Variants in ERC2 observed in about 807,000 individuals in gnomAD.
The protein encoded by ERC2 is ERC protein 2.
In ERC2, 42 loss-of-function variants were observed where a neutral mutation model predicts 114.8. The ratio of observed to expected loss-of-function variants is 0.37; its 90% CI spans 0.29 to 0.47. The LOEUF (loss-of-function observed/expected upper bound fraction) is 0.47. Ranked by LOEUF, ERC2 falls within the 20% of genes least tolerant of loss-of-function variation. ERC2 has a pLI of 0.99. For synonymous variants in ERC2, 454 were observed against 425.5 expected (o/e 1.07, Z -0.82); for missense variants, 939 against 1,150.7 (o/e 0.82, Z 2.66).
intron 15 of ERC2, among the ~76,000 whole-genome samples, chr3:55,733,772 C>G (rs917823601): frequency 6.6e-6 from 1 of 152,146 alleles, no homozygotes; most frequent in Non-Finnish European, 1.5e-5. Flanking sequence ...ACAGATCACT[C>G]TAGCAGGCAG....
chr3:55,855,483 G>A (rs1310046483), intron 14 of ERC2, among the ~76,000 whole-genome samples: 3 of 152,206 alleles, frequency 2.0e-5, no homozygotes, highest in African/African-American at 7.2e-5. Context: ...CTTTGGCCAA[G>A]TCAAATAATA....
At chr3:55,599,190 T>C (rs1406547191) in intron 17 of ERC2, among the ~76,000 whole-genome samples, 1 of 152,200 alleles carries the variant, frequency 6.6e-6, no homozygotes, top group Non-Finnish European at 1.5e-5. Context: ...AGAAGAAGCC[T>C]GACACCTTGG....
chr3:55,857,811 G>A (rs1203571880), intron 14 of ERC2, among the ~76,000 whole-genome samples: 2 of 152,080 alleles, frequency 1.3e-5, no homozygotes, highest in South Asian at 2.1e-4. Flanking sequence ...TGAAACACTC[G>A]ATTTTCAATG....
intron 14 of ERC2, among the ~76,000 whole-genome samples, chr3:55,871,820 A>T (rs980891626): frequency 6.6e-6 from 1 of 152,146 alleles, no homozygotes; most frequent in African/African-American, 2.4e-5. Context: ...AATATTTTTT[A>T]AAAAATTAAA....
chr3:55,543,682 C>A (rs1184846), intron 17 of ERC2, among the ~76,000 whole-genome samples: 98,721 of 152,124 alleles, frequency 0.65, 33,493 homozygotes, highest in East Asian at 0.93. Flanking sequence ...TGGCTGGGGA[C>A]GGATTCACCC....
chr3:55,800,242 G>T (rs2070932478), intron 14 of ERC2, among the ~76,000 whole-genome samples: 2 of 152,228 alleles, frequency 1.3e-5, no homozygotes, highest in Non-Finnish European at 2.9e-5. Context: ...CTGGGTTCAA[G>T]CAATTCTCCT....
chr3:55,759,952 C>T (rs1240146971), intron 14 of ERC2, among the ~76,000 whole-genome samples: 1 of 152,178 alleles, frequency 6.6e-6, no homozygotes, highest in Non-Finnish European at 1.5e-5. Flanking sequence ...CAACACTGGA[C>T]TTTTCATAAT....
chr3:56,291,517 T>C (rs2055083495), intron 3 of ERC2, among the ~76,000 whole-genome samples: 1 of 151,970 alleles, frequency 6.6e-6, no homozygotes, highest in Admixed American at 6.6e-5. Flanking sequence ...ACTCCAAATC[T>C]CCTAAAACAA....
At chr3:56,296,645 C>T (rs958197193) in intron 2 of ERC2, among the ~76,000 whole-genome samples, 11 of 152,058 alleles carry the variant, frequency 7.2e-5, no homozygotes, top group Non-Finnish European at 1.6e-4. Flanking sequence ...TTCTGAATGT[C>T]TTGAGAGAAG....
chr3:56,060,478 G>A (rs2076200163), intron 7 of ERC2, among the ~76,000 whole-genome samples: 1 of 152,132 alleles, frequency 6.6e-6, no homozygotes, highest in Non-Finnish European at 1.5e-5. Flanking sequence ...TTAATGAATT[G>A]TACTTATCAT....
chr3:55,714,663 G>GTATATA (rs2063983166), intron 15 of ERC2, among the ~76,000 whole-genome samples: 2 of 92,248 alleles, frequency 2.2e-5, no homozygotes, highest in Non-Finnish European at 4.1e-5. Flanking sequence ...GTGTGTGTGT[G>GTATATA]TGTGTATATA....
rs964958730 is a variant in ERC2 at position 56,183,221 on chromosome 3, T to C, written c.1075-9701A>G. Among the ~76,000 whole-genome samples, 8 of 152,220 alleles carry C rather than the reference T, an allele frequency of 5.3e-5. 1 individual carries two copies. The highest frequency in any genetic ancestry group is 1.2e-4 in the Non-Finnish European group (8 of 68,038). On this transcript the variant is annotated intron_variant, in intron 3 of 17. Coordinates refer to ENST00000288221, the MANE Select transcript of ERC2 (RefSeq NM_015576.3). Reference sequence around the variant, plus strand: ...AAGTTAATATACAGGCTACATTCTTTGTCCATACACAATAAAGCAAGAAGT... The same window carrying C: ...AAGTTAATATACAGGCTACATTCTTCGTCCATACACAATAAAGCAAGAAGT...
intron 3 of ERC2, among the ~76,000 whole-genome samples, chr3:56,226,540 T>A (rs531826412): frequency 2.2e-4 from 33 of 151,952 alleles, no homozygotes; most frequent in African/African-American, 8.0e-4. Flanking sequence ...GGCAACAGAG[T>A]GAGACCTCAT....
At chr3:55,694,233 T>A (rs1047006557) in intron 16 of ERC2, among the ~76,000 whole-genome samples, 3 of 152,160 alleles carry the variant, frequency 2.0e-5, no homozygotes, top group Non-Finnish European at 4.4e-5. Flanking sequence ...GACTTTCAGT[T>A]TTGTGACTCT....
chr3:55,567,101 T>C (rs377433409), intron 17 of ERC2, among the ~76,000 whole-genome samples: 68 of 152,322 alleles, frequency 4.5e-4, no homozygotes, highest in African/African-American at 1.5e-3. Flanking sequence ...TCATAGTACT[T>C]GCATATGGAG....
Position 55,535,015 on chromosome 3 carries a change from G to T in ERC2, c.*40-23739C>A, listed in dbSNP as rs149080345. ...AAACAGCCAGGGACACAAGTCACTC[G>T]ACCATCAACCATCAGTCACTGTGGC... On this transcript the variant is annotated intron_variant, in intron 17 of 17. Transcript: ENST00000288221. Among the ~76,000 whole-genome samples, 500 of 152,298 alleles carry T rather than the reference G, an allele frequency of 3.3e-3. 5 individuals carry two copies. Among genetic ancestry groups the T allele is most frequent in the African/African-American group, 0.011 (473 of 41,552 alleles).
At chr3:56,347,392 G>C (rs1408733251) in intron 2 of ERC2, among the ~76,000 whole-genome samples, 2 of 152,004 alleles carry the variant, frequency 1.3e-5, no homozygotes, top group Non-Finnish European at 2.9e-5. Flanking sequence ...TGCCTATAGG[G>C]GGCGCTGGAG....
intron 13 of ERC2, among the ~76,000 whole-genome samples, chr3:55,934,551 C>T (rs990639730): frequency 1.1e-4 from 17 of 152,088 alleles, no homozygotes; most frequent in African/African-American, 4.1e-4. Context: ...CTGTGAAGTG[C>T]TAGAAGAAGG....
intron 3 of ERC2, among the ~76,000 whole-genome samples, chr3:56,262,150 T>A (rs2052980849): frequency 6.6e-6 from 1 of 152,228 alleles, no homozygotes; most frequent in South Asian, 2.1e-4. Flanking sequence ...GTCTTTGTTA[T>A]TGTGAATAGT....
Sources: allele counts gnomAD v4.1 joint callset (sites outside exome capture counted in the v4.1 genomes callset), GRCh38; gene constraint gnomAD v4.1.1; transcripts MANE v1.5; gene names NCBI Gene and HGNC (gene_info 2026-07-23, HGNC 2026-07-21).